The following COL16A1 variants were observed in gnomAD, a reference collection of about 807,000 sequenced individuals.
COL16A1 encodes collagen type XVI alpha 1 chain.
A neutral mutation model predicts 266.3 loss-of-function variants in COL16A1; 189 were observed. That is an observed-to-expected ratio of 0.71 (90% confidence interval 0.63 to 0.80). The LOEUF (loss-of-function observed/expected upper bound fraction) is 0.80. Ranked by LOEUF, COL16A1 falls within the 30% of genes least tolerant of loss-of-function variation. COL16A1 has a pLI of 0.00. For missense variants in COL16A1, 1,928 were observed against 2,122.4 expected (o/e 0.91, Z 1.80); for synonymous variants, 740 against 782.3 (o/e 0.95, Z 0.90).
intron 40 of COL16A1, 72 bp from the exon 41 acceptor site, chr1:31,679,923 G>T (rs562966131): frequency 9.7e-5 from 149 of 1,542,078 alleles, no homozygotes; most frequent in Non-Finnish European, 1.3e-4. Flanking sequence ...GCGGGGCTGC[G>T]TGGGGAGGCG....
intron 16 of COL16A1, 93 bp from the exon 17 acceptor site, chr1:31,692,160 C>A (rs1182960541): frequency 1.3e-6 from 2 of 1,574,882 alleles, no homozygotes; most frequent in Middle Eastern, 1.7e-4. Context: ...GCCTTCTAGA[C>A]CCCTGGTCTC....
In COL16A1 at chr1:31,684,097, C is replaced by A; in HGVS notation, c.2283+12G>T. 6.2e-7 allele frequency: 1 copy of A among 1,601,052 alleles called. No homozygotes were observed. The highest frequency in any genetic ancestry group is 8.5e-7 in the Non-Finnish European group (1 of 1,173,088). On this transcript the variant is annotated intron_variant, in intron 32 of 70. Coordinates refer to ENST00000373672, the MANE Select transcript of COL16A1 (RefSeq NM_001856.4). ...GCCCAGGCAGGGAAGGGCCGGAGGG[C>A]AGGCAACTCACGGGTTTACCAGGTC...
Position 31,698,338 on chromosome 1 carries a change from A to G in COL16A1, c.390+145T>C, listed in dbSNP as rs1457955448. ...GCTATACATCCTGAAAGAATGAGGT[A>G]GGTACTGGTGGGCTGGGGACAGGCT... On this transcript the variant is annotated intron_variant, in intron 5 of 70. Transcript: ENST00000373672. The surrounding 1 kb of genome is among the most constrained non-coding windows in gnomAD (Gnocchi z 4.1). 2.0e-6 allele frequency: 3 copies of G among 1,520,980 alleles called. No individual in the cohort carries two copies. The highest frequency in any genetic ancestry group is 2.7e-6 in the Non-Finnish European group (3 of 1,128,584). 94.2% of individuals were successfully genotyped at this position (1,520,980 alleles called of 1,614,324 possible).
chr1:31,689,702 G>A (rs755393699), intron 23 of COL16A1, 39 bp downstream of exon 23: 1 of 1,523,282 alleles, frequency 6.6e-7, no homozygotes, highest in South Asian at 1.1e-5. Context: ...TTCTTTGTGT[G>A]TTGGGGGAGG....
Position 31,697,723 on chromosome 1 carries a change from A to G in COL16A1, c.657+183T>C, listed in dbSNP as rs528192396. Among the ~76,000 whole-genome samples the G allele has an allele frequency of 6.6e-6, 1 of 152,260 alleles. No homozygotes were observed. Among genetic ancestry groups the G allele is most frequent in the Non-Finnish European group, 1.5e-5 (1 of 68,010 alleles). On this transcript the variant is annotated intron_variant, in intron 6 of 70. Transcript: ENST00000373672. The surrounding 1 kb of genome is among the most constrained non-coding windows in gnomAD (Gnocchi z 4.2). ...GGAAGATGGTGCTGCAGACACTTATAAGGACCAGATCATGAAGGGCCTTGA... is the reference window on the plus strand; with the variant it reads ...GGAAGATGGTGCTGCAGACACTTATGAGGACCAGATCATGAAGGGCCTTGA...
In COL16A1 at chr1:31,693,073, G is replaced by A. The variant is rs987316027; in HGVS notation, c.1071+19C>T. On this transcript the variant is annotated intron_variant, in intron 13 of 70. Coordinates refer to ENST00000373672, the MANE Select transcript of COL16A1 (RefSeq NM_001856.4). ...ACAGCTGGCAAAGGTCCTGCCACGG[G>A]CAGGGCTGGGACACTTACCCGTGCT... 3.2e-6 allele frequency: 5 copies of A among 1,561,308 alleles called. No individual in the cohort carries two copies. Among genetic ancestry groups the A allele is most frequent in the Admixed American group, 3.4e-5 (2 of 59,654 alleles).
chr1:31,674,192 G>A (rs1319708046), intron 44 of COL16A1, among the ~76,000 whole-genome samples: 1 of 152,190 alleles, frequency 6.6e-6, no homozygotes, highest in Non-Finnish European at 1.5e-5. Context: ...GGATGTCCAG[G>A]GCACTAATTA....
In COL16A1 at chr1:31,682,011, T is replaced by C. The variant is rs912274742; in HGVS notation, c.2538+923A>G. Among the ~76,000 whole-genome samples, 11 of 96,476 alleles carry C rather than the reference T, an allele frequency of 1.1e-4. No individual in the cohort carries two copies. In the Admixed American group the frequency reaches 1.2e-3, roughly 10 times the overall value. 63.3% of individuals were successfully genotyped at this position (96,476 alleles called of 152,430 possible). On this transcript the variant is annotated intron_variant, in intron 37 of 70. Coordinates refer to ENST00000373672, the MANE Select transcript of COL16A1 (RefSeq NM_001856.4). ...TCCGCAAAGACAGAAGAGGATACAG[T>C]TCACCTGGGCTATTTTTAACATTAC...
chr1:31,695,024 G>A (rs753057056), intron 11 of COL16A1, 162 bp downstream of exon 11: 2 of 713,664 alleles, frequency 2.8e-6, no homozygotes, highest in Non-Finnish European at 5.0e-6. Flanking sequence ...TGGTGGAGAT[G>A]GCAGTGGGGG....
chr1:31,655,479 C>T lies in COL16A1; in HGVS notation c.4125G>A (p.Gln1375=). The change falls in exon 67 of 71, where the codon CAG becomes CAA. Residue 1375 remains glutamine, a synonymous_variant. Transcript: ENST00000373672. ...GPKGDPGAAG[Q]KGQAGEKGRA... ...TCCCCTTCTCTCCTGCCTGGCCCTTCTGTCCTGCAGCTCCTGGATCACCCT... is the reference window on the plus strand; with the variant it reads ...TCCCCTTCTCTCCTGCCTGGCCCTTTTGTCCTGCAGCTCCTGGATCACCCT... 1.9e-6 allele frequency: 3 copies of T among 1,614,138 alleles called. No homozygotes were observed. The highest frequency in any genetic ancestry group is 2.2e-5 in the South Asian group (2 of 91,074).
rs78872783 is a variant in COL16A1 at position 31,689,141 on chromosome 1, C to T, written c.1621-56G>A. On this transcript the variant is annotated intron_variant, in intron 23 of 70. Coordinates refer to ENST00000373672, the MANE Select transcript of COL16A1 (RefSeq NM_001856.4). ...CAGGGCACGATGGGGCACCCCCAAA[C>T]TCCCTGGCAATATGCGAGGACAGCA... 8.7e-4 allele frequency: 1,395 copies of T among 1,611,694 alleles called. 3 individuals are homozygous for T. Among genetic ancestry groups the T allele is most frequent in the Non-Finnish European group, 8.3e-4 (975 of 1,179,402 alleles).
chr1:31,663,406 T>C lies in COL16A1; in HGVS notation c.3556-748A>G, dbSNP rs978327781. The C allele has an allele frequency of 6.6e-6, 1 of 152,314 alleles. No homozygotes were observed. Among genetic ancestry groups the C allele is most frequent in the African/African-American group, 2.4e-5 (1 of 41,442 alleles). The allele number at this position is 152,314 out of a possible 1,614,324, so 9.4% of individuals were successfully genotyped here. A position where few individuals can be genotyped will look rare whatever the true frequency, so the allele number is the denominator to read the frequency against. ...GGGAACCTAAGAGAAGGATAAAGAC[T>C]TGCAAGTGGGCACATGCCTGGCCTG... On this transcript the variant is annotated intron_variant, in intron 56 of 70. Transcript: ENST00000373672. This position sits in a 1 kb window ranked among gnomAD's most constrained non-coding sequence, Gnocchi z 4.9.
chr1:31,676,760 T>C (rs1643220298), intron 42 of COL16A1, among the ~76,000 whole-genome samples: 1 of 152,220 alleles, frequency 6.6e-6, no homozygotes, highest in Non-Finnish European at 1.5e-5. Context: ...AGGGAGTATG[T>C]TCCATTTTGA....
chr1:31,689,307 G>A (rs1415819584), intron 23 of COL16A1: 4 of 709,800 alleles, frequency 5.6e-6, no homozygotes, highest in African/African-American at 3.6e-5. Flanking sequence ...AACCCAGTGG[G>A]AAGTTCCTGC....
chr1:31,697,887 G>A lies in COL16A1; in HGVS notation c.657+19C>T. On this transcript the variant is annotated intron_variant, in intron 6 of 70. Coordinates refer to ENST00000373672, the MANE Select transcript of COL16A1 (RefSeq NM_001856.4). This position sits in a 1 kb window ranked among gnomAD's most constrained non-coding sequence, Gnocchi z 4.2. ...CCCAGAAGGCAGGAACAGAGGTCAGGGCCTGACCTAGCACTCACCGAGACA... is the reference window on the plus strand; with the variant it reads ...CCCAGAAGGCAGGAACAGAGGTCAGAGCCTGACCTAGCACTCACCGAGACA... The A allele has an allele frequency of 6.3e-7, 1 of 1,592,554 alleles. No individual in the cohort carries two copies. The highest frequency in any genetic ancestry group is 2.2e-5 in the East Asian group (1 of 44,488).
chr1:31,681,610 G>A (rs1473269614), intron 37 of COL16A1, among the ~76,000 whole-genome samples: 1 of 152,254 alleles, frequency 6.6e-6, no homozygotes, highest in Non-Finnish European at 1.5e-5. Context: ...AGGAAGGGAA[G>A]CCTGCTGGAT....
chr1:31,655,652 A>AGTGAGGTG, intron 66 of COL16A1, 150 bp from the exon 67 acceptor site: 1 of 1,354,440 alleles, frequency 7.4e-7, no homozygotes, highest in Non-Finnish European at 1.0e-6. Flanking sequence ...TCACTGCCCC[A>AGTGAGGTG]GAGTGGTCCT....
Position 31,686,264 on chromosome 1 carries a change from C to T in COL16A1, c.1819G>A (p.Ala607Thr), listed in dbSNP as rs1344638807. ...LKGEKGNFGEAGPAGSPGPPG... is the reference protein window; with the variant it reads ...LKGEKGNFGETGPAGSPGPPG... ...CTTACTGGACTGCCAGCTGGCCCTG[C>T]CTCCCCGAAGTTACCCTGAGAGAAA... Residue 607 changes from alanine (A) to threonine (T), a missense_variant, in exon 27 of 71, where the codon GCA becomes ACA. Around this residue, in one of 2 missense-constraint regions of COL16A1, gnomAD observed 1,552 missense variants for 1,637.2 expected, o/e 0.95. Transcript: ENST00000373672. 6.2e-7 allele frequency: 1 copy of T among 1,614,206 alleles called. No homozygotes were observed. The highest frequency in any genetic ancestry group is 8.5e-7 in the Non-Finnish European group (1 of 1,180,046).
intron 1 of COL16A1, among the ~76,000 whole-genome samples, chr1:31,702,670 A>G (rs1277209418): frequency 2.0e-5 from 3 of 152,150 alleles, no homozygotes; most frequent in African/African-American, 7.2e-5. Context: ...TGGTATATAT[A>G]CCAGCCTGAT....
Sources: allele counts gnomAD v4.1 joint callset (sites outside exome capture counted in the v4.1 genomes callset), GRCh38; gene constraint gnomAD v4.1.1; regional missense constraint gnomAD v4.1.1; non-coding constraint Gnocchi (gnomAD v3.1); transcripts MANE v1.5; gene names NCBI Gene and HGNC (gene_info 2026-07-23, HGNC 2026-07-21).